Variants in OPCML observed in about 807,000 individuals in gnomAD.
OPCML encodes the protein opioid-binding protein/cell adhesion molecule.
Under a neutral mutation model 37.8 loss-of-function variants are expected in OPCML, and 13 were observed. The observed-to-expected ratio is 0.34, with a 90% confidence interval of 0.22 to 0.55. The LOEUF (loss-of-function observed/expected upper bound fraction) is 0.55, where lower values mean the gene tolerates loss of function less well. Ranked by LOEUF, OPCML falls within the 20% of genes least tolerant of loss-of-function variation. The pLI is 0.91. For synonymous variants in OPCML, 176 were observed against 168.8 expected, an observed-to-expected ratio of 1.04 and a Z score of -0.33; for missense variants, 341 against 435.6, an observed-to-expected ratio of 0.78 and a Z score of 1.93.
chr11:133,514,603 A>G (rs976436350), intron 1 of OPCML, among the ~76,000 whole-genome samples: 1 of 152,192 alleles, frequency 6.6e-6, no homozygotes, highest in Non-Finnish European at 1.5e-5. Flanking sequence ...ATTTAGGACA[A>G]TTCTCACTTT....
intron 1 of OPCML, among the ~76,000 whole-genome samples, chr11:133,098,131 C>G (rs10894650): frequency 0.34 from 51,890 of 151,750 alleles, 10,621 homozygotes; most frequent in East Asian, 0.5. Context: ...AAAACTTTAG[C>G]AAATTCAGTC....
chr11:132,872,510 A>C (rs1318415928), intron 2 of OPCML, among the ~76,000 whole-genome samples: 1 of 152,124 alleles, frequency 6.6e-6, no homozygotes, highest in African/African-American at 2.4e-5. Flanking sequence ...GGCCTGGCCC[A>C]GTCTGCATAT....
At chr11:132,514,337 C>A (rs1279122628) in intron 4 of OPCML, among the ~76,000 whole-genome samples, 4 of 152,130 alleles carry the variant, frequency 2.6e-5, no homozygotes, top group Non-Finnish European at 5.9e-5. Flanking sequence ...CGCCCACAAC[C>A]AGAAACAGCA....
chr11:132,910,815 G>A lies in OPCML; in HGVS notation c.146+32111C>T, dbSNP rs1021942350. On this transcript the variant is annotated intron_variant, in intron 2 of 7. Transcript: ENST00000524381. ...CAGTTGCAACTCAATTGCTGTTTCC[G>A]CAATATATTCTATCATCCAGAATCT... 7.2e-5 allele frequency among the ~76,000 whole-genome samples: 11 copies of A among 152,260 alleles called. No homozygotes were observed. In the East Asian group the frequency reaches 9.7e-4, roughly 13 times the overall value.
rs376418718 is a variant in OPCML, at chr11:133,221,354, C to G, written c.62-278344G>C. Among the ~76,000 whole-genome samples, 19 of 152,360 alleles carry G rather than the reference C, an allele frequency of 1.2e-4. No individual in the cohort carries two copies. In the East Asian group the frequency reaches 3.5e-3, roughly 28 times the overall value. On this transcript the variant is annotated intron_variant, in intron 1 of 7. Transcript: ENST00000524381. The stretch of plus-strand genomic sequence containing the variant: ...ATCATTTCTGCAACATCCTAGGCCC[C>G]TTTCTCACCTTCACATAACAACTGC...
In OPCML at chr11:133,122,853, T is replaced by G. The variant is rs1399989717; in HGVS notation, c.62-179843A>C. Among the ~76,000 whole-genome samples the G allele has an allele frequency of 2.0e-5, 3 of 152,344 alleles. No individual in the cohort carries two copies. The East Asian group carries it at 5.8e-4, about 29-fold the overall frequency. The stretch of plus-strand genomic sequence containing the variant: ...AGGCTTAGCAAAAGTTCGCTGACAC[T>G]GCTATGGCATTTGGCCCTACAGCCA... On this transcript the variant is annotated intron_variant, in intron 1 of 7. Coordinates refer to ENST00000524381, the MANE Select transcript of OPCML (RefSeq NM_001012393.5).
At chr11:133,488,607 G>GA (rs1947584075) in intron 1 of OPCML, among the ~76,000 whole-genome samples, 1 of 151,960 alleles carries the variant, frequency 6.6e-6, no homozygotes, top group African/African-American at 2.4e-5. Context: ...CTAATAAATG[G>GA]AAAAAATTCC....
At chr11:132,604,634 C>G (rs1383769609) in intron 3 of OPCML, among the ~76,000 whole-genome samples, 1 of 152,206 alleles carries the variant, frequency 6.6e-6, no homozygotes, top group Non-Finnish European at 1.5e-5. Flanking sequence ...CAAGCCACCT[C>G]TCTTCATGAC....
At chr11:133,006,142 G>A (rs748312253) in intron 1 of OPCML, 17 of 984,192 alleles carry the variant, frequency 1.7e-5, no homozygotes, top group Admixed American at 1.2e-4. Context: ...GGAGATCCCT[G>A]GAGAAGCTCC....
intron 4 of OPCML, among the ~76,000 whole-genome samples, chr11:132,442,815 T>C (rs2096040866): frequency 6.6e-6 from 1 of 152,196 alleles, no homozygotes; most frequent in African/African-American, 2.4e-5. Flanking sequence ...TCTTCCACTA[T>C]GACTGTGAGG....
rs1252792946 is a variant in OPCML, at chr11:133,458,599, GTGTGTGTGTA to G, written c.61+73655_61+73664del. On this transcript the variant is annotated intron_variant, in intron 1 of 7. Transcript: ENST00000524381. Reference sequence around the variant, plus strand: ...CGTGTGTGTACACATATATACACGTGTGTGTGTGTATACACATATATACACGTGTGTGTGT... The same window carrying G: ...CGTGTGTGTACACATATATACACGTGTACACATATATACACGTGTGTGTGT... 1.4e-4 allele frequency among the ~76,000 whole-genome samples: 14 copies of G among 96,766 alleles called. 2 individuals carry two copies. The highest frequency in any genetic ancestry group is 8.5e-4 in the African/African-American group (5 of 5,886). 63.5% of individuals were successfully genotyped at this position (96,766 alleles called of 152,430 possible).
chr11:133,500,688 A>C lies in OPCML; in HGVS notation c.61+31576T>G, dbSNP rs191727659. Among the ~76,000 whole-genome samples the C allele has an allele frequency of 5.7e-3, 862 of 152,286 alleles. 9 individuals carry two copies. Among genetic ancestry groups the C allele is most frequent in the African/African-American group, 0.019 (782 of 41,550 alleles). ...TACCCGGCTCGAGTCCTCCTCCTGC[A>C]TCTAGCCAATTTCTGCTCCCTTAAT... is the stretch of plus-strand genomic sequence containing the variant. On this transcript the variant is annotated intron_variant, in intron 1 of 7. Transcript: ENST00000524381.
chr11:132,703,638 G>A (rs904146313), intron 2 of OPCML, among the ~76,000 whole-genome samples: 3 of 152,202 alleles, frequency 2.0e-5, no homozygotes, highest in Admixed American at 6.5e-5. Flanking sequence ...CGGTGCATAT[G>A]TCAGTGAGCA....
chr11:132,984,482 G>T (rs1358913240), intron 1 of OPCML, among the ~76,000 whole-genome samples: 1 of 152,018 alleles, frequency 6.6e-6, no homozygotes, highest in East Asian at 1.9e-4. Context: ...TTTTATCCTT[G>T]CAATATTTAG....
intron 4 of OPCML, among the ~76,000 whole-genome samples, chr11:132,519,566 T>C (rs548128993): frequency 6.6e-6 from 1 of 151,888 alleles, no homozygotes; most frequent in Non-Finnish European, 1.5e-5. Context: ...AAAGCGAAAA[T>C]GTACGCAAGC....
At chr11:133,128,258 A>G (rs1384089667) in intron 1 of OPCML, among the ~76,000 whole-genome samples, 1 of 152,150 alleles carries the variant, frequency 6.6e-6, no homozygotes, top group African/African-American at 2.4e-5. Context: ...GGGATTCCTC[A>G]AATACCCCTA....
intron 2 of OPCML, among the ~76,000 whole-genome samples, chr11:132,935,782 G>A (rs374698563): frequency 8.5e-5 from 13 of 152,250 alleles, no homozygotes; most frequent in East Asian, 3.9e-4. Context: ...ATGGAGTGAC[G>A]TATTTTAGGG....
At chr11:132,484,397 T>C (rs1187180651) in intron 4 of OPCML, among the ~76,000 whole-genome samples, 1 of 152,116 alleles carries the variant, frequency 6.6e-6, no homozygotes. Context: ...AGAATGGCAA[T>C]CATTAAAAAG....
intron 1 of OPCML, among the ~76,000 whole-genome samples, chr11:133,082,870 C>T (rs916142053): frequency 2.0e-5 from 3 of 150,106 alleles, no homozygotes; most frequent in Admixed American, 2.0e-4. Flanking sequence ...CCCTCCGAGC[C>T]GACCTCGTCC....
Sources: allele counts gnomAD v4.1 joint callset (sites outside exome capture counted in the v4.1 genomes callset), GRCh38; gene constraint gnomAD v4.1.1; transcripts MANE v1.5; gene names NCBI Gene and HGNC (gene_info 2026-07-23, HGNC 2026-07-21).